Variants in LRP1B observed in about 807,000 individuals in gnomAD.
The protein encoded by LRP1B is LDL receptor related protein 1B.
In LRP1B, 217 loss-of-function variants were observed where a neutral mutation model predicts 556.6. The ratio of observed to expected loss-of-function variants is 0.39; its 90% CI spans 0.35 to 0.44. The LOEUF is 0.44. Ranked by LOEUF, LRP1B falls within the 20% of genes least tolerant of loss-of-function variation. The probability of loss-of-function intolerance (pLI) is 1.00; values close to 1 mark genes in which losing one functional copy is unlikely to be tolerated. For synonymous variants in LRP1B, 2,047 were observed against 1,865.8 expected (o/e 1.10, Z -2.50); for missense variants, 5,053 against 5,620.8 (o/e 0.90, Z 3.23).
At chr2:141,959,059 A>C (rs929229041) in intron 1 of LRP1B, among the ~76,000 whole-genome samples, 1 of 151,972 alleles carries the variant, frequency 6.6e-6, no homozygotes, top group African/African-American at 2.4e-5. Flanking sequence ...TTAACAGCCA[A>C]ACCCTCAAGC....
At chr2:141,901,551 C>T (rs1185096243) in intron 1 of LRP1B, among the ~76,000 whole-genome samples, 1 of 151,876 alleles carries the variant, frequency 6.6e-6, no homozygotes, top group South Asian at 2.1e-4. Flanking sequence ...ATTTGATCAT[C>T]ACTTTTTCTT....
intron 11 of LRP1B, among the ~76,000 whole-genome samples, chr2:141,045,344 G>C (rs1403809068): frequency 2.0e-5 from 3 of 150,720 alleles, no homozygotes; most frequent in Admixed American, 6.6e-5. Context: ...TGGGTGCAGC[G>C]CACCAGCATG....
intron 84 of LRP1B, among the ~76,000 whole-genome samples, chr2:140,290,818 G>A (rs1002294359): frequency 6.6e-6 from 1 of 152,016 alleles, no homozygotes; most frequent in African/African-American, 2.4e-5. Context: ...GTCTCTAAAA[G>A]TCGCAGCATG....
At chr2:141,616,943 A>G (rs78381800) in intron 2 of LRP1B, among the ~76,000 whole-genome samples, 6,581 of 152,226 alleles carry the variant, frequency 0.043, 179 homozygotes, top group Non-Finnish European at 0.063. Flanking sequence ...TCATCATTCA[A>G]AGAGCAGTCC....
intron 1 of LRP1B, among the ~76,000 whole-genome samples, chr2:141,945,060 G>C (rs1370241659): frequency 1.3e-5 from 2 of 151,942 alleles, no homozygotes; most frequent in Non-Finnish European, 2.9e-5. Context: ...TTATATTTTT[G>C]TTGTCCTTTC....
chr2:140,619,710 C>T (rs1436185723), intron 41 of LRP1B, among the ~76,000 whole-genome samples: 1 of 152,102 alleles, frequency 6.6e-6, no homozygotes, highest in Non-Finnish European at 1.5e-5. Flanking sequence ...TGGAAAGAAG[C>T]ACTATGGAAA....
At chr2:140,613,005 T>C (rs1683122250) in intron 41 of LRP1B, among the ~76,000 whole-genome samples, 1 of 151,664 alleles carries the variant, frequency 6.6e-6, no homozygotes, top group Non-Finnish European at 1.5e-5. Context: ...TTTTTTTCTT[T>C]TCTTCCTATA....
chr2:140,510,345 A>G (rs142477662), intron 51 of LRP1B, among the ~76,000 whole-genome samples: 191 of 152,318 alleles, frequency 1.3e-3, no homozygotes, highest in African/African-American at 4.1e-3. Flanking sequence ...AATGTCATAG[A>G]ATTGTGAATA....
intron 35 of LRP1B, among the ~76,000 whole-genome samples, chr2:140,762,714 G>T (rs16844633): frequency 0.04 from 6,040 of 152,104 alleles, 403 homozygotes; most frequent in African/African-American, 0.14. Flanking sequence ...AAGATCCATT[G>T]CTTATGACCA....
intron 2 of LRP1B, among the ~76,000 whole-genome samples, chr2:141,568,520 C>T (rs568678317): frequency 6.6e-5 from 10 of 151,032 alleles, no homozygotes; most frequent in East Asian, 3.9e-4. Context: ...CATCAGAATT[C>T]GGCATTTGAT....
At chr2:141,014,934 T>C (rs997469420) in intron 13 of LRP1B, among the ~76,000 whole-genome samples, 5 of 152,098 alleles carry the variant, frequency 3.3e-5, no homozygotes, top group Admixed American at 2.0e-4. Context: ...GAATCCATAA[T>C]GAGTAGGCTT....
At chr2:141,637,727 C>G (rs1268387530) in intron 2 of LRP1B, among the ~76,000 whole-genome samples, 1 of 152,152 alleles carries the variant, frequency 6.6e-6, no homozygotes, top group Admixed American at 6.5e-5. Context: ...CAGGTACATG[C>G]TTACGCTGTG....
intron 20 of LRP1B, among the ~76,000 whole-genome samples, chr2:140,947,424 G>A (rs151172225): frequency 1.3e-3 from 195 of 152,266 alleles, no homozygotes; most frequent in African/African-American, 4.4e-3. Flanking sequence ...CAATTATATG[G>A]TGGATTTGAT....
intron 21 of LRP1B, among the ~76,000 whole-genome samples, chr2:140,910,929 G>A (rs1156717399): frequency 2.0e-5 from 3 of 151,720 alleles, no homozygotes. Flanking sequence ...TTTAGAAAAT[G>A]TTTTCATAAA....
At chr2:140,732,170 TTCTC>T (rs1347343657) in intron 35 of LRP1B, among the ~76,000 whole-genome samples, 1 of 152,150 alleles carries the variant, frequency 6.6e-6, no homozygotes, top group East Asian at 1.9e-4. Context: ...CATTATTCTC[TTCTC>T]TCTACTTTTT....
At chr2:141,460,919 T>C (rs1016568190) in intron 3 of LRP1B, among the ~76,000 whole-genome samples, 3 of 152,030 alleles carry the variant, frequency 2.0e-5, no homozygotes, top group Non-Finnish European at 4.4e-5. Flanking sequence ...ATCTTGGGTT[T>C]GTTGAATTAG....
chr2:141,737,035 C>T lies in LRP1B; in HGVS notation c.205+73244G>A, dbSNP rs538484952. 1.3e-3 allele frequency among the ~76,000 whole-genome samples: 203 copies of T among 152,216 alleles called. 2 individuals are homozygous for T. Among genetic ancestry groups the T allele is most frequent in the African/African-American group, 4.7e-3 (194 of 41,566 alleles). On this transcript the variant is annotated intron_variant, in intron 2 of 90. Coordinates refer to ENST00000389484, the MANE Select transcript of LRP1B (RefSeq NM_018557.3). ...TTAGGTAGGAAGAAAACCATGTTCTCCCTTTGGTGGGTAGACTTTTCTAAA... is the reference window on the plus strand; with the variant it reads ...TTAGGTAGGAAGAAAACCATGTTCTTCCTTTGGTGGGTAGACTTTTCTAAA...
Position 141,265,432 on chromosome 2 carries a change from T to G in LRP1B, c.344-10791A>C, listed in dbSNP as rs868424642. Among the ~76,000 whole-genome samples, 8 of 152,204 alleles carry G rather than the reference T, an allele frequency of 5.3e-5. 1 individual carries two copies. In the South Asian group the frequency reaches 1.0e-3, roughly 20 times the overall value. ...CAAGGCACCCCAGTGGAGGCCCTCA[T>G]GCTGTCCCTGAGGATTCTGCGCTAG... is the stretch of plus-strand genomic sequence containing the variant. On this transcript the variant is annotated intron_variant, in intron 3 of 90. Transcript: ENST00000389484.
At chr2:141,796,578 C>CTTTTTTTT (rs75317117) in intron 2 of LRP1B, among the ~76,000 whole-genome samples, 27 of 127,542 alleles carry the variant, frequency 2.1e-4, no homozygotes, top group Non-Finnish European at 3.7e-4. Context: ...GCATTTTATT[C>CTTTTTTTT]TTTTTTTTTT....
Sources: allele counts gnomAD v4.1 joint callset (sites outside exome capture counted in the v4.1 genomes callset), GRCh38; gene constraint gnomAD v4.1.1; transcripts MANE v1.5; gene names NCBI Gene and HGNC (gene_info 2026-07-23, HGNC 2026-07-21).